Variants in MOB3B observed in about 807,000 individuals in gnomAD.
MOB3B encodes MOB kinase activator-like 2B.
In MOB3B, 7 loss-of-function variants were observed where a neutral mutation model predicts 18.7. The observed-to-expected ratio is 0.37, with a 90% CI of 0.21 to 0.70. The LOEUF (loss-of-function observed/expected upper bound fraction) is 0.70, where lower values mean the gene tolerates loss of function less well. Ranked by LOEUF, MOB3B falls within the 30% of genes least tolerant of loss-of-function variation. The pLI is 0.52. For synonymous variants in MOB3B, 111 were observed against 99.9 expected (o/e 1.11, Z -0.66); for missense variants, 253 against 281.3 (o/e 0.90, Z 0.72).
At chr9:27,415,308 T>C (rs1254498582) in intron 2 of MOB3B, among the ~76,000 whole-genome samples, 3 of 152,182 alleles carry the variant, frequency 2.0e-5, no homozygotes, top group Admixed American at 6.5e-5. Context: ...AGAAAAATTA[T>C]AAAATATGAT....
chr9:27,510,199 A>C (rs1395374267), intron 1 of MOB3B, among the ~76,000 whole-genome samples: 1 of 152,272 alleles, frequency 6.6e-6, no homozygotes, highest in Admixed American at 6.5e-5. Context: ...GACAACAAAA[A>C]TAAAGAGGAC....
chr9:27,451,143 G>GA (rs1379113698), intron 2 of MOB3B, among the ~76,000 whole-genome samples: 1 of 152,106 alleles, frequency 6.6e-6, no homozygotes, highest in African/African-American at 2.4e-5. Flanking sequence ...TTATATAACA[G>GA]AAAAACAGGG....
At chr9:27,362,839 A>C (rs924395992) in intron 2 of MOB3B, among the ~76,000 whole-genome samples, 1 of 152,188 alleles carries the variant, frequency 6.6e-6, no homozygotes, top group Non-Finnish European at 1.5e-5. Context: ...CAGTTTGCAT[A>C]CTATTTTCAC....
At chr9:27,419,335 G>A (rs182443520) in intron 2 of MOB3B, among the ~76,000 whole-genome samples, 111 of 152,146 alleles carry the variant, frequency 7.3e-4, no homozygotes, top group Non-Finnish European at 1.4e-3. Context: ...CAAAATAAGA[G>A]CTCACATAGC....
Position 27,399,658 on chromosome 9 carries a change from G to A in MOB3B, c.419-40422C>T, listed in dbSNP as rs571834019. Among the ~76,000 whole-genome samples, 260 of 152,216 alleles carry A rather than the reference G, an allele frequency of 1.7e-3. 1 individual carries two copies. The highest frequency in any genetic ancestry group is 5.8e-3 in the African/African-American group (240 of 41,526). ...CTTGTGCACGTCTCTGAACCCATCC[G>A]CTAATCTGAAGGACAGAGTGATATA... On this transcript the variant is annotated intron_variant, in intron 2 of 3. Transcript: ENST00000262244.
At chr9:27,474,693 G>A (rs1461869887) in intron 1 of MOB3B, among the ~76,000 whole-genome samples, 1 of 152,108 alleles carries the variant, frequency 6.6e-6, no homozygotes, top group Non-Finnish European at 1.5e-5. Flanking sequence ...ATCTGGAAAG[G>A]CTCTTTGAGG....
chr9:27,496,046 ATCTC>A (rs1323264593), intron 1 of MOB3B, among the ~76,000 whole-genome samples: 1 of 152,214 alleles, frequency 6.6e-6, no homozygotes, highest in African/African-American at 2.4e-5. Context: ...TAGAAGCGTT[ATCTC>A]TCTATGCTAA....
chr9:27,395,256 C>T (rs1220177083), intron 2 of MOB3B, among the ~76,000 whole-genome samples: 3 of 152,088 alleles, frequency 2.0e-5, no homozygotes, highest in Non-Finnish European at 4.4e-5. Flanking sequence ...ATAGTTAATG[C>T]ATATACTGTA....
rs79476151 is a variant in MOB3B, at chr9:27,501,553, A to C, written c.-199+28002T>G. ...CTCATAGATGGGAACTGAACAATGA[A>C]AACACTTGGACACAGGGAGAGGAAC... On this transcript the variant is annotated intron_variant, in intron 1 of 3. Transcript: ENST00000262244. 2.9e-4 allele frequency among the ~76,000 whole-genome samples: 42 copies of C among 144,350 alleles called. No individual in the cohort carries two copies. In the East Asian group the frequency reaches 9.1e-3, roughly 31 times the overall value. The allele number at this position is 144,350 out of a possible 152,430, so 94.7% of individuals were successfully genotyped here. A position where few individuals can be genotyped will look rare whatever the true frequency, so the allele number is the denominator to read the frequency against.
intron 3 of MOB3B, among the ~76,000 whole-genome samples, chr9:27,351,475 A>G (rs1461544660): frequency 6.6e-6 from 1 of 152,234 alleles, no homozygotes; most frequent in Admixed American, 6.5e-5. Flanking sequence ...ATGCCATTGT[A>G]AAGGCCAAAC....
chr9:27,348,471 G>T (rs1821061173), intron 3 of MOB3B, among the ~76,000 whole-genome samples: 1 of 151,856 alleles, frequency 6.6e-6, no homozygotes, highest in Non-Finnish European at 1.5e-5. Flanking sequence ...TGGCCAACAT[G>T]GTGAAACCCC....
At chr9:27,346,382 G>A (rs1204344102) in intron 3 of MOB3B, among the ~76,000 whole-genome samples, 1 of 152,104 alleles carries the variant, frequency 6.6e-6, no homozygotes, top group Non-Finnish European at 1.5e-5. Flanking sequence ...GCTCAATCTT[G>A]GCTCCACAGA....
intron 2 of MOB3B, among the ~76,000 whole-genome samples, chr9:27,436,497 A>G (rs887149690): frequency 6.6e-6 from 1 of 152,168 alleles, no homozygotes. Flanking sequence ...ACTGTCTGGC[A>G]TGTGTGAAAC....
chr9:27,393,801 T>C (rs1465642315), intron 2 of MOB3B, among the ~76,000 whole-genome samples: 1 of 152,176 alleles, frequency 6.6e-6, no homozygotes, highest in African/African-American at 2.4e-5. Flanking sequence ...AGCTGATCAA[T>C]GGCAGATGCA....
At chr9:27,333,295 C>T (rs1820815013) in intron 3 of MOB3B, among the ~76,000 whole-genome samples, 1 of 152,018 alleles carries the variant, frequency 6.6e-6, no homozygotes, top group Non-Finnish European at 1.5e-5. Flanking sequence ...CTTCAAAGCT[C>T]TGCAAGACTC....
chr9:27,378,357 C>T (rs1284259901), intron 2 of MOB3B: 1 of 471,668 alleles, frequency 2.1e-6, no homozygotes, highest in Admixed American at 2.3e-5. Context: ...TATTGCTGCT[C>T]ACCTACTCTC....
intron 1 of MOB3B, among the ~76,000 whole-genome samples, chr9:27,482,024 T>G (rs1819667728): frequency 1.3e-5 from 2 of 151,488 alleles, no homozygotes; most frequent in Non-Finnish European, 2.9e-5. Context: ...AGAAAAGAGA[T>G]AAGATGAAAC....
chr9:27,526,838 A>ATGG (rs1563891289), intron 1 of MOB3B, among the ~76,000 whole-genome samples: 1 of 152,232 alleles, frequency 6.6e-6, no homozygotes, highest in South Asian at 2.1e-4. Flanking sequence ...CATCAGTATG[A>ATGG]CAGAAAAGAA....
chr9:27,455,960 G>A (rs1822863131), intron 1 of MOB3B, among the ~76,000 whole-genome samples: 1 of 152,148 alleles, frequency 6.6e-6, no homozygotes, highest in African/African-American at 2.4e-5. Context: ...CACTTGTTTT[G>A]TTCATGGCCT....
Sources: allele counts gnomAD v4.1 joint callset (sites outside exome capture counted in the v4.1 genomes callset), GRCh38; gene constraint gnomAD v4.1.1; transcripts MANE v1.5; gene names NCBI Gene and HGNC (gene_info 2026-07-23, HGNC 2026-07-21).